The following THSD4 variants were observed in gnomAD, a reference collection of about 807,000 sequenced individuals.
THSD4 encodes thrombospondin type-1 domain-containing protein 4.
THSD4 carries 69 observed loss-of-function variants against 119.0 expected under a neutral mutation model. The ratio of observed to expected loss-of-function variants is 0.58; its 90% CI spans 0.48 to 0.71. The LOEUF (loss-of-function observed/expected upper bound fraction) is 0.71, where lower values mean the gene tolerates loss of function less well. Ranked by LOEUF, THSD4 falls within the 30% of genes least tolerant of loss-of-function variation. The pLI, the probability that THSD4 is intolerant of heterozygous loss-of-function variation, is 0.00. For missense variants in THSD4, 1,393 were observed against 1,391.1 expected (o/e 1.00, Z -0.02); for synonymous variants, 524 against 540.4 (o/e 0.97, Z 0.42).
chr15:71,759,334 C>G (rs546537414), intron 15 of THSD4, among the ~76,000 whole-genome samples: 1 of 152,174 alleles, frequency 6.6e-6, no homozygotes, highest in Non-Finnish European at 1.5e-5. Context: ...TAACTGATCC[C>G]AGCTTGACTT....
At chr15:71,269,063 A>C (rs989394705) in intron 6 of THSD4, among the ~76,000 whole-genome samples, 3 of 152,214 alleles carry the variant, frequency 2.0e-5, no homozygotes, top group Non-Finnish European at 4.4e-5. Flanking sequence ...ATTCCTTCTG[A>C]AACTATTCCA....
At chr15:71,683,469 G>T (rs1009040148) in intron 8 of THSD4, among the ~76,000 whole-genome samples, 1 of 152,126 alleles carries the variant, frequency 6.6e-6, no homozygotes, top group African/African-American at 2.4e-5. Context: ...GGAAACTGGA[G>T]ACGAAAGAAC....
intron 7 of THSD4, among the ~76,000 whole-genome samples, chr15:71,443,656 A>G (rs930251448): frequency 3.3e-5 from 5 of 151,210 alleles, no homozygotes; most frequent in Admixed American, 2.6e-4. Flanking sequence ...GCATTTGCAG[A>G]ACCGCAGCAT....
chr15:71,253,414 T>G (rs1024790272), intron 5 of THSD4, among the ~76,000 whole-genome samples: 2 of 148,992 alleles, frequency 1.3e-5, no homozygotes, highest in Non-Finnish European at 3.0e-5. Flanking sequence ...CATTGTCACT[T>G]TTTTTTTTTT....
At chr15:71,771,904 G>A (rs1361948130) in intron 17 of THSD4, among the ~76,000 whole-genome samples, 4 of 152,170 alleles carry the variant, frequency 2.6e-5, no homozygotes, top group African/African-American at 9.7e-5. Flanking sequence ...CCCAGCAGGG[G>A]AGCTCAAGTA....
At chr15:71,424,733 T>C (rs2046847718) in intron 7 of THSD4, among the ~76,000 whole-genome samples, 1 of 152,222 alleles carries the variant, frequency 6.6e-6, no homozygotes, top group Non-Finnish European at 1.5e-5. Context: ...TTAACCACGC[T>C]ATGATTTAGT....
At chr15:71,634,473 A>C (rs2050698339) in intron 7 of THSD4, among the ~76,000 whole-genome samples, 1 of 152,234 alleles carries the variant, frequency 6.6e-6, no homozygotes. Flanking sequence ...ATGAGTATTT[A>C]GGTAAGCACA....
At chr15:71,274,389 C>G (rs555049510) in intron 6 of THSD4, among the ~76,000 whole-genome samples, 1 of 152,244 alleles carries the variant, frequency 6.6e-6, no homozygotes, top group South Asian at 2.1e-4. Flanking sequence ...ACAGACAAGA[C>G]CTGTGTAGAT....
chr15:71,373,246 G>A lies in THSD4; in HGVS notation c.1016-38441G>A, dbSNP rs78455842. On this transcript the variant is annotated intron_variant, in intron 6 of 17. Transcript: ENST00000261862. ...ATTCTTAATAATTTCTAGTTTTATT[G>A]CTTTTTGGGTCAGAAATATAGCCCT... Among the ~76,000 whole-genome samples, 93 of 152,252 alleles carry A rather than the reference G, an allele frequency of 6.1e-4. 2 individuals are homozygous for A. The East Asian group carries it at 0.016, about 26-fold the overall frequency.
intron 7 of THSD4, among the ~76,000 whole-genome samples, chr15:71,573,449 G>A (rs999664731): frequency 2.6e-5 from 4 of 152,264 alleles, no homozygotes; most frequent in Admixed American, 2.0e-4. Context: ...CTTTGAAAAG[G>A]CGTTTGACTT....
At chr15:71,456,557 A>G (rs2047343093) in intron 7 of THSD4, among the ~76,000 whole-genome samples, 1 of 152,194 alleles carries the variant, frequency 6.6e-6, no homozygotes, top group African/African-American at 2.4e-5. Context: ...ACTGAGGTAC[A>G]TAGCAGTTTG....
intron 17 of THSD4, among the ~76,000 whole-genome samples, chr15:71,776,401 A>G (rs1224188016): frequency 6.6e-6 from 1 of 152,232 alleles, no homozygotes; most frequent in Non-Finnish European, 1.5e-5. Context: ...TAAATCAGAA[A>G]ATGAGCAAAA....
At chr15:71,742,287 G>T (rs780412788) in intron 11 of THSD4, among the ~76,000 whole-genome samples, 13 of 152,208 alleles carry the variant, frequency 8.5e-5, no homozygotes, top group Non-Finnish European at 1.8e-4. Context: ...CCCTGTTGCT[G>T]GCATCCAAGA....
At chr15:71,388,389 C>T (rs1357970791) in intron 6 of THSD4, among the ~76,000 whole-genome samples, 1 of 152,146 alleles carries the variant, frequency 6.6e-6, no homozygotes, top group Non-Finnish European at 1.5e-5. Flanking sequence ...AACTTTCATG[C>T]AGGCTTTATT....
At chr15:71,666,384 A>G (rs1050153221) in intron 8 of THSD4, among the ~76,000 whole-genome samples, 2 of 152,172 alleles carry the variant, frequency 1.3e-5, no homozygotes, top group East Asian at 3.9e-4. Flanking sequence ...AACTTGTATT[A>G]TGGGGGTTTG....
intron 7 of THSD4, among the ~76,000 whole-genome samples, chr15:71,552,274 C>T (rs976185482): frequency 6.6e-6 from 1 of 152,186 alleles, no homozygotes; most frequent in East Asian, 1.9e-4. Context: ...TTAAGATTAT[C>T]TTTTTATGAC....
At chr15:71,220,953 G>A (rs931829159) in intron 4 of THSD4, among the ~76,000 whole-genome samples, 1 of 152,144 alleles carries the variant, frequency 6.6e-6, no homozygotes, top group Non-Finnish European at 1.5e-5. Context: ...AGGCTAGGGG[G>A]TTCATCCTTC....
chr15:71,646,094 C>A (rs188695795), intron 7 of THSD4, among the ~76,000 whole-genome samples: 1 of 152,200 alleles, frequency 6.6e-6, no homozygotes, highest in Non-Finnish European at 1.5e-5. Flanking sequence ...TAGATAGATA[C>A]GAGCACAGAT....
chr15:71,609,178 CA>C (rs2050172553), intron 7 of THSD4, among the ~76,000 whole-genome samples: 1 of 151,806 alleles, frequency 6.6e-6, no homozygotes, highest in Non-Finnish European at 1.5e-5. Flanking sequence ...AATGTGAAGA[CA>C]GGGGAAAAAA....
Sources: gnomAD v4.1 joint callset for allele counts (sites outside exome capture counted in the v4.1 genomes callset) on GRCh38, gnomAD v4.1.1 for gene constraint, MANE v1.5 for transcripts, NCBI Gene and HGNC (gene_info 2026-07-23, HGNC 2026-07-21) for gene names.